The following PLEKHM3 variants were observed in gnomAD, a reference collection of about 807,000 sequenced individuals.
PLEKHM3 encodes pleckstrin homology domain containing M3.
In PLEKHM3, 45 loss-of-function variants were observed where a neutral mutation model predicts 81.8. The ratio of observed to expected loss-of-function variants is 0.55; its 90% CI spans 0.43 to 0.71. PLEKHM3 has a LOEUF of 0.71. PLEKHM3 is among the 30% of genes least tolerant of loss of function. The probability of loss-of-function intolerance (pLI) is 0.00; values close to 1 mark genes in which losing one functional copy is unlikely to be tolerated. For missense variants in PLEKHM3, 788 were observed against 924.3 expected, an observed-to-expected ratio of 0.85 and a Z score of 1.91; for synonymous variants, 352 against 356.4, an observed-to-expected ratio of 0.99 and a Z score of 0.14.
At chr2:208,007,668 A>C (rs1692540414) in intron 1 of PLEKHM3, among the ~76,000 whole-genome samples, 1 of 152,246 alleles carries the variant, frequency 6.6e-6, no homozygotes, top group Non-Finnish European at 1.5e-5. Context: ...CTATAATCCC[A>C]GCACTTTGGG....
chr2:207,934,551 T>C (rs1477624677), intron 4 of PLEKHM3, among the ~76,000 whole-genome samples: 1 of 152,208 alleles, frequency 6.6e-6, no homozygotes, highest in Admixed American at 6.6e-5. Context: ...TCTGTGACAG[T>C]GATTGTGCTG....
chr2:207,944,524 A>T (rs1690057196), intron 4 of PLEKHM3, among the ~76,000 whole-genome samples: 1 of 152,202 alleles, frequency 6.6e-6, no homozygotes, highest in Non-Finnish European at 1.5e-5. Context: ...ATTATTGCAT[A>T]ATCACCCCTA....
At chr2:207,860,980 A>G (rs2092464225) in intron 7 of PLEKHM3, 125 bp downstream of exon 7, 1 of 1,150,512 alleles carries the variant, frequency 8.7e-7, no homozygotes, top group African/African-American at 1.6e-5. Flanking sequence ...TCCAAGAACA[A>G]GGAAAACCTG....
At chr2:207,908,868 T>G (rs1688713501) in intron 5 of PLEKHM3, among the ~76,000 whole-genome samples, 1 of 152,256 alleles carries the variant, frequency 6.6e-6, no homozygotes. Context: ...TCAGTTTTCT[T>G]GTACCAGCTG....
chr2:207,966,561 CT>C (rs141516626), intron 3 of PLEKHM3, among the ~76,000 whole-genome samples: 6 of 151,188 alleles, frequency 4.0e-5, no homozygotes, highest in Admixed American at 1.3e-4. Context: ...AGTATTTTTT[CT>C]TTTTTTTTGA....
intron 7 of PLEKHM3, among the ~76,000 whole-genome samples, chr2:207,856,290 A>C (rs2092437325): frequency 6.6e-6 from 1 of 152,172 alleles, no homozygotes; most frequent in South Asian, 2.1e-4. Flanking sequence ...ATTTGTTACA[A>C]AATTAGTGAA....
chr2:207,929,828 G>A lies in PLEKHM3; in HGVS notation c.1886+1098C>T, dbSNP rs180818254. On this transcript the variant is annotated intron_variant, in intron 5 of 7. Coordinates refer to ENST00000427836, the MANE Select transcript of PLEKHM3 (RefSeq NM_001080475.3). ...TGCCCGGGGTTATGTCAGTTTCTTT[G>A]GATCTAATTGGATCTCAAAACTCCA... is the stretch of plus-strand genomic sequence containing the variant. 33 of 632,496 alleles carry A rather than the reference G, an allele frequency of 5.2e-5. No individual in the cohort carries two copies. The African/African-American group carries it at 5.9e-4, about 11-fold the overall frequency. The allele number at this position is 632,496 out of a possible 1,614,324, so 39.2% of individuals were successfully genotyped here.
At chr2:207,954,757 G>A (rs1690450208) in intron 3 of PLEKHM3, among the ~76,000 whole-genome samples, 1 of 152,118 alleles carries the variant, frequency 6.6e-6, no homozygotes, top group African/African-American at 2.4e-5. Context: ...CAGTGCTAGA[G>A]GTACTATATT....
rs2092229206 is a variant in PLEKHM3 at position 207,823,209 on chromosome 2, A to G, written c.*5110T>C. On this transcript the variant is annotated 3_prime_UTR_variant, in exon 8 of 8. Coordinates refer to ENST00000427836, the MANE Select transcript of PLEKHM3 (RefSeq NM_001080475.3). The stretch of plus-strand genomic sequence containing the variant: ...TCACAGGGAAAATCCAAAGCAAAAC[A>G]GCAGTTGTCTCACTTGAGTTTAGCA... 6.6e-6 allele frequency: 1 copy of G among 152,182 alleles called. No individual in the cohort carries two copies. The highest frequency in any genetic ancestry group is 1.5e-5 in the Non-Finnish European group (1 of 68,048). 9.4% of individuals were successfully genotyped at this position (152,182 alleles called of 1,614,324 possible).
chr2:207,912,382 C>G (rs1243679410), intron 5 of PLEKHM3, among the ~76,000 whole-genome samples: 1 of 152,232 alleles, frequency 6.6e-6, no homozygotes, highest in Non-Finnish European at 1.5e-5. Flanking sequence ...ACTTCCTCTA[C>G]TGTCTTCTCC....
Position 207,892,686 on chromosome 2 carries a change from C to T in PLEKHM3, c.1950+15828G>A, listed in dbSNP as rs187888336. 1.7e-3 allele frequency among the ~76,000 whole-genome samples: 255 copies of T among 152,238 alleles called. 1 individual carries two copies. The highest frequency in any genetic ancestry group is 5.8e-3 in the African/African-American group (240 of 41,526). On this transcript the variant is annotated intron_variant, in intron 6 of 7. Coordinates refer to ENST00000427836, the MANE Select transcript of PLEKHM3 (RefSeq NM_001080475.3). ...CCTTTCATTATCCCATTCCATCCAC[C>T]CCATTGCCATTGGTGGGGTGGAGAC... is the stretch of plus-strand genomic sequence containing the variant.
In PLEKHM3 at chr2:207,914,317, G is replaced by A. The variant is rs763681723; in HGVS notation, c.1887-5740C>T. Among the ~76,000 whole-genome samples, 32 of 151,976 alleles carry A rather than the reference G, an allele frequency of 2.1e-4. 1 individual carries two copies. The highest frequency in any genetic ancestry group is 1.2e-4 in the Non-Finnish European group (8 of 67,996). On this transcript the variant is annotated intron_variant, in intron 5 of 7. Transcript: ENST00000427836. ...TTGAGACCAGCCTGACCAACATGAA[G>A]AAACCCCATCTCTACTAAAAATATA...
chr2:207,939,819 C>G (rs954740663), intron 4 of PLEKHM3, among the ~76,000 whole-genome samples: 13 of 152,134 alleles, frequency 8.5e-5, no homozygotes, highest in African/African-American at 2.9e-4. Context: ...GTAAGTGATA[C>G]TGAGGGTTTG....
At chr2:207,994,099 T>C (rs1691991377) in intron 2 of PLEKHM3, among the ~76,000 whole-genome samples, 1 of 152,162 alleles carries the variant, frequency 6.6e-6, no homozygotes, top group African/African-American at 2.4e-5. Context: ...CCAAACGCAA[T>C]AGACAATAAA....
At position 207,824,560 on chromosome 2, in the gene PLEKHM3, C is replaced by G. The variant is rs2092238012; in HGVS notation, c.*3759G>C. The G allele has an allele frequency of 6.6e-6, 1 of 152,270 alleles. No individual in the cohort carries two copies. The highest frequency in any genetic ancestry group is 1.5e-5 in the Non-Finnish European group (1 of 68,062). The allele number at this position is 152,270 out of a possible 1,614,324, so 9.4% of individuals were successfully genotyped here. ...AATGTTCAGTGTGCGTGGCATCGTGCTAGTCCCACCTGGATATACTAATTT... is the reference window on the plus strand; with the variant it reads ...AATGTTCAGTGTGCGTGGCATCGTGGTAGTCCCACCTGGATATACTAATTT... On this transcript the variant is annotated 3_prime_UTR_variant, in exon 8 of 8. Transcript: ENST00000427836.
intron 6 of PLEKHM3, among the ~76,000 whole-genome samples, chr2:207,891,758 T>C (rs1192386671): frequency 6.6e-6 from 1 of 152,208 alleles, no homozygotes; most frequent in Non-Finnish European, 1.5e-5. Flanking sequence ...TTCCTATAAC[T>C]GATTCATTCA....
chr2:207,978,031 A>AG (rs1390980205), intron 2 of PLEKHM3, among the ~76,000 whole-genome samples: 1 of 152,200 alleles, frequency 6.6e-6, no homozygotes, highest in African/African-American at 2.4e-5. Flanking sequence ...AGCTGCAGTG[A>AG]GCCATAATCA....
intron 6 of PLEKHM3, among the ~76,000 whole-genome samples, chr2:207,865,801 A>AAAAAAAAAATATATATATATATATATAT: frequency 4.0e-5 from 1 of 25,290 alleles, no homozygotes; most frequent in African/African-American, 2.1e-4. Flanking sequence ...AAAAAAAAAA[A>AAAAAAAAAATATATATATATATATATAT]AGATATATAT....
At chr2:207,927,515 C>CAAAA (rs527604593) in intron 5 of PLEKHM3, among the ~76,000 whole-genome samples, 5 of 69,974 alleles carry the variant, frequency 7.1e-5, no homozygotes, top group African/African-American at 1.2e-4. Context: ...GACTCTGTCT[C>CAAAA]AAAAAAAAAA....
Sources: gnomAD v4.1 joint callset for allele counts (sites outside exome capture counted in the v4.1 genomes callset) on GRCh38, gnomAD v4.1.1 for gene constraint, MANE v1.5 for transcripts, NCBI Gene and HGNC (gene_info 2026-07-23, HGNC 2026-07-21) for gene names.